CACNA1D: variants seen among roughly 807,000 people sequenced by gnomAD.
CACNA1D encodes calcium voltage-gated channel subunit alpha1 D, also known as voltage-dependent L-type calcium channel subunit alpha-1D.
A neutral mutation model predicts 257.1 loss-of-function variants in CACNA1D; 55 were observed. That is an observed-to-expected ratio of 0.21 (90% CI 0.17 to 0.27). The LOEUF (loss-of-function observed/expected upper bound fraction) is 0.27. CACNA1D is among the 10% of genes least tolerant of loss of function. CACNA1D has a pLI of 1.00. For missense variants in CACNA1D, 1,876 were observed against 2,784.0 expected (o/e 0.67, Z 7.34); for synonymous variants, 980 against 1,014.9 (o/e 0.97, Z 0.65).
At chr3:53,608,159 T>G (rs991254002) in intron 3 of CACNA1D, among the ~76,000 whole-genome samples, 3 of 151,668 alleles carry the variant, frequency 2.0e-5, no homozygotes, top group Non-Finnish European at 2.9e-5. Flanking sequence ...TATTTAGATT[T>G]GATTTAATTT....
At chr3:53,665,909 A>G in intron 6 of CACNA1D, 97 bp downstream of exon 6, 1 of 941,940 alleles carries the variant, frequency 1.1e-6, no homozygotes, top group South Asian at 1.4e-5. Flanking sequence ...ACAAAATAGG[A>G]AAAAAAATGC....
intron 3 of CACNA1D, among the ~76,000 whole-genome samples, chr3:53,530,989 A>T (rs540801147): frequency 2.0e-4 from 30 of 150,904 alleles, no homozygotes; most frequent in Non-Finnish European, 3.5e-4. Context: ...CTGGGACTAT[A>T]AGAGTCCCAC....
intron 3 of CACNA1D, among the ~76,000 whole-genome samples, chr3:53,535,903 G>A (rs1432822782): frequency 6.6e-6 from 1 of 152,174 alleles, no homozygotes; most frequent in Non-Finnish European, 1.5e-5. Context: ...TAACCTTCCC[G>A]AGTGAAAATT....
At chr3:53,641,082 T>C (rs73088227) in intron 3 of CACNA1D, among the ~76,000 whole-genome samples, 2,417 of 151,104 alleles carry the variant, frequency 0.016, 35 homozygotes, top group Middle Eastern at 0.034. Context: ...TATGCAGATA[T>C]GTGGGAGGCT....
intron 29 of CACNA1D, among the ~76,000 whole-genome samples, chr3:53,757,064 A>C (rs760693999): frequency 9.9e-5 from 15 of 152,208 alleles, no homozygotes; most frequent in Non-Finnish European, 1.3e-4. Flanking sequence ...TGCTGTCCTC[A>C]TGCTGCTGTG....
At chr3:53,763,114 G>C (rs1318015932) in intron 30 of CACNA1D, among the ~76,000 whole-genome samples, 1 of 152,214 alleles carries the variant, frequency 6.6e-6, no homozygotes, top group Non-Finnish European at 1.5e-5. Flanking sequence ...GCCCTCACCT[G>C]TACCGTGTCT....
At chr3:53,642,904 T>A (rs1174710078) in intron 3 of CACNA1D, among the ~76,000 whole-genome samples, 1 of 152,212 alleles carries the variant, frequency 6.6e-6, no homozygotes, top group Non-Finnish European at 1.5e-5. Context: ...CACCTATCCT[T>A]AGTCAGGGCG....
At chr3:53,777,571 C>T (rs919159397) in intron 37 of CACNA1D, among the ~76,000 whole-genome samples, 7 of 152,086 alleles carry the variant, frequency 4.6e-5, no homozygotes, top group Admixed American at 1.3e-4. Context: ...ACTTGGTGGC[C>T]TGGGTGAGGG....
chr3:53,590,209 C>T (rs1315335888), intron 3 of CACNA1D, among the ~76,000 whole-genome samples: 1 of 152,242 alleles, frequency 6.6e-6, no homozygotes, highest in Non-Finnish European at 1.5e-5. Flanking sequence ...CCTTCTGTTG[C>T]TCTAAGGAGT....
rs148737040 is a variant in CACNA1D, at chr3:53,587,316, G to A, written c.484-63463G>A. On this transcript the variant is annotated intron_variant, in intron 3 of 47. Transcript: ENST00000350061. ...CTATTGGGGTGTAGAAGGGACAGCA[G>A]CTAGGGATTATTTGGTTGTGGTAGA... Among the ~76,000 whole-genome samples the A allele has an allele frequency of 2.6e-3, 398 of 152,276 alleles. 1 individual carries two copies. The highest frequency in any genetic ancestry group is 8.8e-3 in the African/African-American group (365 of 41,566).
At chr3:53,787,081 C>T (rs2095457724) in intron 40 of CACNA1D, 129 bp downstream of exon 40, 6 of 930,274 alleles carry the variant, frequency 6.4e-6, no homozygotes, top group Middle Eastern at 2.7e-4. Context: ...AGATACTACA[C>T]ACTCCCCCAA....
chr3:53,719,615 C>T (rs1427936595), intron 10 of CACNA1D, 140 bp from the exon 11 acceptor site: 1 of 809,324 alleles, frequency 1.2e-6, no homozygotes, highest in East Asian at 2.4e-5. Flanking sequence ...TGGCCTTGCC[C>T]CTGCTGGCCT....
At chr3:53,722,140 A>G (rs1348675565) in intron 11 of CACNA1D, among the ~76,000 whole-genome samples, 174 bp from the exon 12 acceptor site, 1 of 152,162 alleles carries the variant, frequency 6.6e-6, no homozygotes, top group Non-Finnish European at 1.5e-5. Context: ...GACCAACATA[A>G]TTTTTATGAT....
Position 53,800,392 on chromosome 3 carries a change from C to T in CACNA1D, c.5040+27C>T. 7.1e-7 allele frequency: 1 copy of T among 1,417,760 alleles called. No homozygotes were observed. The highest frequency in any genetic ancestry group is 1.0e-6 in the Non-Finnish European group (1 of 1,000,670). 87.8% of individuals were successfully genotyped at this position (1,417,760 alleles called of 1,614,324 possible). A position where few individuals can be genotyped will look rare whatever the true frequency, so the allele number is the denominator to read the frequency against. On this transcript the variant is annotated intron_variant, in intron 41 of 47. Transcript: ENST00000350061. This position sits in a 1 kb window ranked among gnomAD's most constrained non-coding sequence, Gnocchi z 4.3. ...TAATTATTCCACGCCTAGCTACACA[C>T]TGGCCATCTGGAAATAGCAGGGCAG...
intron 29 of CACNA1D, among the ~76,000 whole-genome samples, chr3:53,759,020 T>A (rs1035722592): frequency 2.0e-5 from 3 of 152,170 alleles, no homozygotes; most frequent in African/African-American, 7.2e-5. Flanking sequence ...ATTTTCTCCC[T>A]CCCCTGGACT....
intron 12 of CACNA1D, 84 bp downstream of exon 12, chr3:53,722,558 T>C: frequency 1.5e-6 from 2 of 1,343,408 alleles, no homozygotes; most frequent in Admixed American, 1.7e-5. Context: ...ATCTGATCGC[T>C]GCATGATGAA....
intron 4 of CACNA1D, among the ~76,000 whole-genome samples, chr3:53,658,193 T>C (rs1246214776): frequency 1.3e-5 from 1 of 77,442 alleles, no homozygotes; most frequent in South Asian, 3.3e-4. Flanking sequence ...CCCGTGGCAC[T>C]TTTTTTTTTT....
intron 3 of CACNA1D, among the ~76,000 whole-genome samples, chr3:53,623,528 T>C (rs1226288288): frequency 8.5e-5 from 13 of 152,246 alleles, no homozygotes; most frequent in Admixed American, 8.5e-4. Context: ...TTTGAAGATG[T>C]TTGTAATACA....
rs1559572389 is a variant in CACNA1D, at chr3:53,723,267, C to A, written c.1667-167C>A. Among the ~76,000 whole-genome samples the A allele has an allele frequency of 6.6e-6, 1 of 152,140 alleles. No individual in the cohort carries two copies. The stretch of plus-strand genomic sequence containing the variant: ...GCAGGACCAGAACCTGGTGGACAGA[C>A]TGTCCACGCGAAGGCCACGTTTCTG... On this transcript the variant is annotated intron_variant, in intron 12 of 47. Coordinates refer to ENST00000350061, the MANE Select transcript of CACNA1D (RefSeq NM_001128840.3). This position sits in a 1 kb window ranked among gnomAD's most constrained non-coding sequence, Gnocchi z 5.6.
Sources: gnomAD v4.1 joint callset for allele counts (sites outside exome capture counted in the v4.1 genomes callset) on GRCh38, gnomAD v4.1.1 for gene constraint, Gnocchi (gnomAD v3.1) non-coding constraint, MANE v1.5 for transcripts, NCBI Gene and HGNC (gene_info 2026-07-23, HGNC 2026-07-21) for gene names.